The following MYT1L variants were observed in gnomAD, a reference collection of about 807,000 sequenced individuals.
The protein encoded by MYT1L is myelin transcription factor 1 like.
A neutral mutation model predicts 126.7 loss-of-function variants in MYT1L; 12 were observed. The observed-to-expected ratio is 0.09, with a 90% confidence interval of 0.06 to 0.15. MYT1L has a LOEUF of 0.15. Among genes scored for constraint, MYT1L ranks in the 10% least tolerant of loss-of-function variants. The pLI is 1.00. For missense variants in MYT1L, 979 were observed against 1,585.2 expected, an observed-to-expected ratio of 0.62 and a Z score of 6.49; for synonymous variants, 541 against 604.2, an observed-to-expected ratio of 0.90 and a Z score of 1.53.
intron 13 of MYT1L, among the ~76,000 whole-genome samples, chr2:1,903,742 C>G (rs1024325381): frequency 1.3e-5 from 2 of 152,140 alleles, no homozygotes; most frequent in Non-Finnish European, 2.9e-5. Flanking sequence ...GGGACATAGA[C>G]TGAGACAGAA....
intron 5 of MYT1L, among the ~76,000 whole-genome samples, chr2:1,984,341 G>T (rs894733948): frequency 2.0e-5 from 3 of 151,972 alleles, no homozygotes; most frequent in Non-Finnish European, 4.4e-5. Context: ...GACTACAGGT[G>T]TGTGCCACCA....
intron 3 of MYT1L, among the ~76,000 whole-genome samples, chr2:2,159,764 T>C (rs972144996): frequency 2.0e-5 from 3 of 152,038 alleles, no homozygotes; most frequent in African/African-American, 7.2e-5. Context: ...CAGATGACCT[T>C]GAAAAGCCCT....
chr2:1,893,961 C>T (rs1166789551), intron 14 of MYT1L, among the ~76,000 whole-genome samples: 1 of 152,188 alleles, frequency 6.6e-6, no homozygotes, highest in Non-Finnish European at 1.5e-5. Flanking sequence ...GCCAGGCTGT[C>T]TTCGTCTCAG....
chr2:2,204,773 A>G (rs1042359435), intron 2 of MYT1L, among the ~76,000 whole-genome samples: 6 of 151,992 alleles, frequency 3.9e-5, no homozygotes, highest in Admixed American at 6.6e-5. Context: ...TATATACCCA[A>G]AGGATTATAA....
Position 1,925,928 on chromosome 2 carries a change from C to A in MYT1L, c.506-2665G>T, listed in dbSNP as rs17039175. 5.4e-3 allele frequency among the ~76,000 whole-genome samples: 821 copies of A among 152,232 alleles called. 4 individuals carry two copies. Among genetic ancestry groups the A allele is most frequent in the African/African-American group, 0.019 (780 of 41,548 alleles). ...TACAAGAACCATGTCACAGGATATG[C>A]CTCCTAAAGACTGCAGTTTGCTGTC... On this transcript the variant is annotated intron_variant, in intron 9 of 24. Coordinates refer to ENST00000647738, the MANE Select transcript of MYT1L (RefSeq NM_001303052.2).
chr2:1,983,332 T>C (rs1043192294), intron 5 of MYT1L, among the ~76,000 whole-genome samples: 71 of 152,240 alleles, frequency 4.7e-4, no homozygotes, highest in African/African-American at 1.5e-3. Flanking sequence ...ACTAAACAGA[T>C]GGGGTTCCCC....
At chr2:1,947,543 C>T (rs563006478) in intron 8 of MYT1L, among the ~76,000 whole-genome samples, 6 of 152,226 alleles carry the variant, frequency 3.9e-5, no homozygotes, top group African/African-American at 9.6e-5. Flanking sequence ...GCGTGGGAGG[C>T]GGGCTGCCTC....
chr2:2,221,544 C>T (rs2093872648), intron 2 of MYT1L, among the ~76,000 whole-genome samples: 1 of 152,090 alleles, frequency 6.6e-6, no homozygotes, highest in South Asian at 2.1e-4. Context: ...TAAAACAAAA[C>T]AGAATTACTG....
Position 1,892,038 on chromosome 2 carries a change from C to A in MYT1L, c.2282G>T (p.Arg761Leu), listed in dbSNP as rs1384454881. Residue 761 changes from arginine to leucine, a missense_variant and splice_region_variant, in exon 15 of 25, where the codon CGG becomes CTG. Transcript: ENST00000647738. ...CTCCACCTGCCCAGGCGCGCGTACCCGCGTGGCGCACAGGTCCTGCGGCTT... is the reference window on the plus strand; with the variant it reads ...CTCCACCTGCCCAGGCGCGCGTACCAGCGTGGCGCACAGGTCCTGCGGCTT... ...STKPQDLCAT[R>L]NPDMEVDENG... 3 of 1,526,204 alleles carry A rather than the reference C, an allele frequency of 2.0e-6. No homozygotes were observed. The highest frequency in any genetic ancestry group is 2.6e-6 in the Non-Finnish European group (3 of 1,137,796). 94.5% of individuals were successfully genotyped at this position (1,526,204 alleles called of 1,614,324 possible).
chr2:2,292,810 T>G (rs916773597), intron 1 of MYT1L, among the ~76,000 whole-genome samples: 1 of 152,178 alleles, frequency 6.6e-6, no homozygotes, highest in African/African-American at 2.4e-5. Context: ...TGACAAACTA[T>G]TCTCCCTAAT....
intron 9 of MYT1L, among the ~76,000 whole-genome samples, chr2:1,930,589 G>A (rs2054828943): frequency 6.6e-6 from 1 of 152,220 alleles, no homozygotes; most frequent in Admixed American, 6.5e-5. Context: ...CGTCGGGGCT[G>A]CTGGGCACGA....
rs180841265 is a variant in MYT1L, at chr2:2,158,995, G to A, written c.-304+13877C>T. On this transcript the variant is annotated intron_variant, in intron 3 of 24. Coordinates refer to ENST00000647738, the MANE Select transcript of MYT1L (RefSeq NM_001303052.2). ...GGATCGGTGTTACAGCACATATGCA[G>A]CACTTGTAGGAGAAGAAGTCTAACC... Among the ~76,000 whole-genome samples, 29 of 152,320 alleles carry A rather than the reference G, an allele frequency of 1.9e-4. No individual in the cohort carries two copies. In the East Asian group the frequency reaches 5.6e-3, roughly 29 times the overall value.
At chr2:1,845,648 T>C (rs13411243) in intron 19 of MYT1L, among the ~76,000 whole-genome samples, 67,064 of 151,986 alleles carry the variant, frequency 0.44, 15,731 homozygotes, top group East Asian at 0.67. Flanking sequence ...AGTGCGCTTT[T>C]GACACCTGCC....
At chr2:2,183,000 G>A (rs1166292145) in intron 2 of MYT1L, among the ~76,000 whole-genome samples, 1 of 152,240 alleles carries the variant, frequency 6.6e-6, no homozygotes, top group Non-Finnish European at 1.5e-5. Context: ...TGCCACAGAG[G>A]TGGGGAGGTT....
rs200621037 is a variant in MYT1L, at chr2:1,890,364, C to T, written c.2284-887G>A. ...CTGAGATTACAGGTGTGAGCCACTGCGCCTGGCTGTAATAAGAACTTTTAT... is the reference window on the plus strand; with the variant it reads ...CTGAGATTACAGGTGTGAGCCACTGTGCCTGGCTGTAATAAGAACTTTTAT... On this transcript the variant is annotated intron_variant, in intron 15 of 24. Coordinates refer to ENST00000647738, the MANE Select transcript of MYT1L (RefSeq NM_001303052.2). Among the ~76,000 whole-genome samples, 24 of 152,238 alleles carry T rather than the reference C, an allele frequency of 1.6e-4. 1 individual carries two copies. The East Asian group carries it at 4.1e-3, about 26-fold the overall frequency.
intron 3 of MYT1L, among the ~76,000 whole-genome samples, chr2:2,126,927 T>C (rs1008000010): frequency 2.6e-5 from 4 of 152,218 alleles, no homozygotes; most frequent in African/African-American, 9.6e-5. Flanking sequence ...ATCACAGATG[T>C]GTCCATGTAT....
At chr2:2,097,607 T>G (rs1271227791) in intron 3 of MYT1L, among the ~76,000 whole-genome samples, 1 of 152,138 alleles carries the variant, frequency 6.6e-6, no homozygotes, top group African/African-American at 2.4e-5. Flanking sequence ...ATGACCCAAA[T>G]AAGCGATGGA....
chr2:1,807,168 C>T (rs1046809709), intron 22 of MYT1L, among the ~76,000 whole-genome samples: 1 of 152,216 alleles, frequency 6.6e-6, no homozygotes, highest in Non-Finnish European at 1.5e-5. Flanking sequence ...GAGCCCCAGA[C>T]CTTGAGGACC....
intron 18 of MYT1L, among the ~76,000 whole-genome samples, chr2:1,867,064 G>T (rs2045671168): frequency 6.7e-6 from 1 of 149,278 alleles, no homozygotes; most frequent in Admixed American, 6.6e-5. Flanking sequence ...GGTTGGGGGA[G>T]AGAGGGAGGG....
Sources: gnomAD v4.1 joint callset for allele counts (sites outside exome capture counted in the v4.1 genomes callset) on GRCh38, gnomAD v4.1.1 for gene constraint, MANE v1.5 for transcripts, NCBI Gene and HGNC (gene_info 2026-07-23, HGNC 2026-07-21) for gene names.